ABCC8: variants seen among roughly 807,000 people sequenced by gnomAD.
The protein encoded by ABCC8 is ATP binding cassette subfamily C member 8.
A neutral mutation model predicts 188.0 loss-of-function variants in ABCC8; 137 were observed. That is an observed-to-expected ratio of 0.73 (90% confidence interval 0.63 to 0.84). ABCC8 has a LOEUF of 0.84. Among genes scored for constraint, ABCC8 ranks in the 40% least tolerant of loss-of-function variants. The pLI is 0.00. For synonymous variants in ABCC8, 797 were observed against 846.5 expected (o/e 0.94, Z 1.01); for missense variants, 1,750 against 2,072.7 (o/e 0.84, Z 3.02).
intron 10 of ABCC8, among the ~76,000 whole-genome samples, chr11:17,442,306 C>T (rs1956347302): frequency 6.6e-6 from 1 of 152,188 alleles, no homozygotes; most frequent in African/African-American, 2.4e-5. Flanking sequence ...TGGATGGAAG[C>T]TTTCTTGTAG....
In ABCC8 at chr11:17,453,227, G is replaced by A. The variant is rs776713811; in HGVS notation, c.1068C>T (p.Tyr356=). The A allele has an allele frequency of 5.0e-6, 8 of 1,614,008 alleles. No individual in the cohort carries two copies. The highest frequency in any genetic ancestry group is 1.7e-5 in the Admixed American group (1 of 59,998). The part of the protein sequence containing the change: ...VSSQEFLANA[Y]VLAVLLFLAL... ...CAAGGAACAGAAGCACAGCTAAGAC[G>A]TAGGCATTGGCAAGGAACTCTTGGG... is the stretch of plus-strand genomic sequence containing the variant. The change falls in exon 7 of 39, where the codon TAC becomes TAT. Residue 356 remains tyrosine (Y), a synonymous_variant. Transcript: ENST00000389817.
chr11:17,433,360 C>A (rs551774625), intron 10 of ABCC8, among the ~76,000 whole-genome samples: 2 of 152,262 alleles, frequency 1.3e-5, no homozygotes, highest in Admixed American at 6.5e-5. Flanking sequence ...GGCCAGGGCT[C>A]TGCCTGTGCA....
At chr11:17,437,091 CAAAAAA>C (rs71047551) in intron 10 of ABCC8, among the ~76,000 whole-genome samples, 1 of 55,060 alleles carries the variant, frequency 1.8e-5, no homozygotes, top group Non-Finnish European at 3.3e-5. Context: ...AACTCTGTCT[CAAAAAA>C]AAAAAAAAAA....
chr11:17,397,102 G>A lies in ABCC8; in HGVS notation c.3989-56C>T, dbSNP rs1953972915. The A allele has an allele frequency of 4.3e-6, 7 of 1,613,718 alleles. No individual in the cohort carries two copies. In the South Asian group the frequency reaches 4.4e-5, roughly 10 times the overall value. ...CATGGGCCACAGCTAGTATCCGAAA[G>A]TGCCACCCCATCCCCAGGCTCCCTT... On this transcript the variant is annotated intron_variant, in intron 32 of 38. Coordinates refer to ENST00000389817, the MANE Select transcript of ABCC8 (RefSeq NM_000352.6).
chr11:17,472,991 C>T (rs111577928), intron 2 of ABCC8, among the ~76,000 whole-genome samples: 1,798 of 152,282 alleles, frequency 0.012, 46 homozygotes, highest in African/African-American at 0.041. Flanking sequence ...ACTCTTGCCT[C>T]TTTACTCCTT....
rs946187954 is a variant in ABCC8 at position 17,427,832 on chromosome 11, G to C, written c.2116+35C>G. On this transcript the variant is annotated intron_variant, in intron 15 of 38. Transcript: ENST00000389817. This position sits in a 1 kb window ranked among gnomAD's most constrained non-coding sequence, Gnocchi z 5.0. ...CTCTATGTTATTCAGTGGGACATGG[G>C]GAGGGGCATGCTGGAGGGGTGGACT... is the stretch of plus-strand genomic sequence containing the variant. 1 of 1,612,402 alleles carries C rather than the reference G, an allele frequency of 6.2e-7. No homozygotes were observed. Among genetic ancestry groups the C allele is most frequent in the Admixed American group, 1.7e-5 (1 of 59,822 alleles).
In ABCC8 at chr11:17,420,770, A is replaced by T. The variant is rs574495822; in HGVS notation, c.2223-3808T>A. On this transcript the variant is annotated intron_variant, in intron 16 of 38. Transcript: ENST00000389817. ...CTGCTGACCCCCCGGGGGCATTTAA[A>T]GTCACTCTACTGTGGATATTAATGG... Among the ~76,000 whole-genome samples, 15 of 152,286 alleles carry T rather than the reference A, an allele frequency of 9.8e-5. No individual in the cohort carries two copies. In the East Asian group the frequency reaches 2.7e-3, roughly 27 times the overall value.
chr11:17,413,173 C>T (rs1954898920), intron 20 of ABCC8, among the ~76,000 whole-genome samples: 2 of 152,114 alleles, frequency 1.3e-5, no homozygotes, highest in Admixed American at 1.3e-4. Context: ...TGAAGAAGAT[C>T]CCCAGCCTGG....
At chr11:17,446,358 G>A (rs1297424206) in intron 8 of ABCC8, among the ~76,000 whole-genome samples, 1 of 152,078 alleles carries the variant, frequency 6.6e-6, no homozygotes, top group Non-Finnish European at 1.5e-5. Flanking sequence ...ATCCTCCCAG[G>A]CTGTGTCTCT....
chr11:17,410,893 G>A (rs1954774996), intron 21 of ABCC8, among the ~76,000 whole-genome samples: 2 of 152,154 alleles, frequency 1.3e-5, no homozygotes, highest in African/African-American at 4.8e-5. Context: ...CTGACTCCTG[G>A]ACCTTCAACG....
chr11:17,395,099 G>A (rs1413702656), intron 36 of ABCC8, 73 bp downstream of exon 36: 5 of 1,533,876 alleles, frequency 3.3e-6, no homozygotes, highest in South Asian at 1.2e-5. Context: ...CCTGAGACAC[G>A]GGCTTCTGTC....
chr11:17,430,962 G>C lies in ABCC8; in HGVS notation c.1672-3C>G. On this transcript the variant is annotated splice_region_variant and splice_polypyrimidine_tract_variant and intron_variant, in intron 11 of 38. Transcript: ENST00000389817. ...AAGCTGACGTGGCCCACGAAAGTCT[G>C]TGGACAGAGGCACAAGTGAGGCCAG... 1.2e-6 allele frequency: 2 copies of C among 1,613,996 alleles called. No homozygotes were observed. The highest frequency in any genetic ancestry group is 1.7e-6 in the Non-Finnish European group (2 of 1,179,922).
At chr11:17,476,039 G>A (rs1289507889) in intron 1 of ABCC8, among the ~76,000 whole-genome samples, 4 of 152,230 alleles carry the variant, frequency 2.6e-5, no homozygotes, top group Non-Finnish European at 5.9e-5. Context: ...CACATGCCCG[G>A]GTGGGGTGGC....
At chr11:17,419,897 C>A (rs998738059) in intron 16 of ABCC8, among the ~76,000 whole-genome samples, 4 of 152,160 alleles carry the variant, frequency 2.6e-5, no homozygotes, top group Non-Finnish European at 4.4e-5. Flanking sequence ...CTTGGAGGAG[C>A]CTCTGTTTCC....
chr11:17,397,794 A>C lies in ABCC8; in HGVS notation c.3757T>G (p.Tyr1253Asp). Residue 1253 changes from tyrosine to aspartate, a missense_variant, in exon 31 of 39, where the codon TAC (tyrosine) becomes GAC (aspartate). Coordinates refer to ENST00000389817, the MANE Select transcript of ABCC8 (RefSeq NM_000352.6). ...ATGAGCACCACACATGCACCGATGT[A>C]CTCCTGGGGAGGGAGAGGAGCTGAC... ...ANRWLEVRMEYIGACVVLIAA... is the reference protein window; with the variant it reads ...ANRWLEVRMEDIGACVVLIAA... The C allele has an allele frequency of 6.2e-7, 1 of 1,613,626 alleles. No individual in the cohort carries two copies. The highest frequency in any genetic ancestry group is 8.5e-7 in the Non-Finnish European group (1 of 1,179,956).
chr11:17,432,411 A>G, intron 10 of ABCC8, 167 bp from the exon 11 acceptor site: 1 of 1,414,024 alleles, frequency 7.1e-7, no homozygotes, highest in East Asian at 2.5e-5. Context: ...CCAGTTCCTC[A>G]CCCCATTTCC....
chr11:17,398,170 G>A (rs1467687211), intron 30 of ABCC8, among the ~76,000 whole-genome samples, 169 bp downstream of exon 30: 1 of 152,210 alleles, frequency 6.6e-6, no homozygotes, highest in Non-Finnish European at 1.5e-5. Flanking sequence ...ATGGGGAAAA[G>A]GAGCACAGGC....
chr11:17,476,147 G>A (rs1016540871), intron 1 of ABCC8, among the ~76,000 whole-genome samples: 5 of 152,160 alleles, frequency 3.3e-5, no homozygotes. Flanking sequence ...GGCTCAGCCC[G>A]GTGAAAGCAT....
At chr11:17,437,581 A>G (rs567861636) in intron 10 of ABCC8, among the ~76,000 whole-genome samples, 55 of 152,342 alleles carry the variant, frequency 3.6e-4, no homozygotes, top group African/African-American at 1.3e-3. Flanking sequence ...ATTCAGTCCA[A>G]TAGTCAGTGC....
Sources: allele counts gnomAD v4.1 joint callset (sites outside exome capture counted in the v4.1 genomes callset), GRCh38; gene constraint gnomAD v4.1.1; non-coding constraint Gnocchi (gnomAD v3.1); transcripts MANE v1.5; gene names NCBI Gene and HGNC (gene_info 2026-07-23, HGNC 2026-07-21).